Variants in GRM5 observed in about 807,000 individuals in gnomAD.
GRM5 encodes glutamate metabotropic receptor 5, also known as metabotropic glutamate receptor 5.
Under a neutral mutation model 83.1 loss-of-function variants are expected in GRM5, and 19 were observed. That is an observed-to-expected ratio of 0.23 (90% confidence interval 0.16 to 0.34). The LOEUF is 0.34. Ranked by LOEUF, GRM5 falls within the 10% of genes least tolerant of loss-of-function variation. The probability of loss-of-function intolerance (pLI) is 1.00; values close to 1 mark genes in which losing one functional copy is unlikely to be tolerated. For synonymous variants in GRM5, 675 were observed against 633.6 expected (o/e 1.07, Z -0.98); for missense variants, 1,160 against 1,588.3 (o/e 0.73, Z 4.58).
chr11:88,939,512 T>A (rs1938014159), intron 2 of GRM5, among the ~76,000 whole-genome samples: 1 of 151,724 alleles, frequency 6.6e-6, no homozygotes, highest in Admixed American at 6.6e-5. Flanking sequence ...AAGGAAGAAA[T>A]CATGATCATT....
intron 3 of GRM5, among the ~76,000 whole-genome samples, chr11:88,768,155 G>C (rs575611798): frequency 6.6e-6 from 1 of 151,972 alleles, no homozygotes. Context: ...TGTTCAAAGT[G>C]TATTATTTGC....
intron 2 of GRM5, among the ~76,000 whole-genome samples, chr11:88,939,175 C>A (rs1246626756): frequency 6.6e-6 from 1 of 151,648 alleles, no homozygotes; most frequent in Non-Finnish European, 1.5e-5. Flanking sequence ...CTTGAGATCA[C>A]CAAATATATA....
chr11:88,832,944 T>C (rs529011608), intron 3 of GRM5, among the ~76,000 whole-genome samples: 6 of 151,960 alleles, frequency 3.9e-5, no homozygotes, highest in Non-Finnish European at 8.9e-5. Flanking sequence ...CCCCTAACTC[T>C]CATGATATAT....
intron 2 of GRM5, among the ~76,000 whole-genome samples, chr11:88,904,885 G>C (rs916231350): frequency 1.3e-5 from 2 of 152,100 alleles, no homozygotes; most frequent in African/African-American, 4.8e-5. Context: ...TTGGAAAGGA[G>C]AACTATCAGG....
At chr11:88,529,749 T>C (rs544143250) in intron 8 of GRM5, among the ~76,000 whole-genome samples, 30 of 151,832 alleles carry the variant, frequency 2.0e-4, no homozygotes, top group Non-Finnish European at 3.5e-4. Flanking sequence ...ATAATACAGA[T>C]GAAAAATAGA....
rs61456975 is a variant in GRM5, at chr11:88,885,450, G to GTTT, written c.662-35298_662-35296dup. 5.6e-4 allele frequency among the ~76,000 whole-genome samples: 35 copies of GTTT among 62,666 alleles called. 5 individuals are homozygous for GTTT. The highest frequency in any genetic ancestry group is 2.0e-3 in the African/African-American group (33 of 16,894). 41.1% of individuals were successfully genotyped at this position (62,666 alleles called of 152,430 possible). On this transcript the variant is annotated intron_variant, in intron 2 of 9. Coordinates refer to ENST00000305447, the MANE Select transcript of GRM5 (RefSeq NM_001143831.3). ...TTCTGAATTCTATAGTAGGTACCAT[G>GTTT]TTTTTTTTTTTTTTTTTTTTTTTTT...
intron 2 of GRM5, among the ~76,000 whole-genome samples, chr11:88,893,142 C>CA (rs398017016): frequency 0.054 from 6,362 of 118,390 alleles, 135 homozygotes; most frequent in East Asian, 0.091. Flanking sequence ...TAATAGTCAC[C>CA]AAAAAAAAAA....
At chr11:88,538,155 TA>T (rs1202001911) in intron 8 of GRM5, among the ~76,000 whole-genome samples, 1 of 151,686 alleles carries the variant, frequency 6.6e-6, no homozygotes, top group Non-Finnish European at 1.5e-5. Context: ...AATAGTTTAA[TA>T]AATTACAGCA....
rs191966482 is a variant in GRM5 at position 88,810,885 on chromosome 11, A to G, written c.911+39021T>C. Among the ~76,000 whole-genome samples, 372 of 152,294 alleles carry G rather than the reference A, an allele frequency of 2.4e-3. 5 individuals carry two copies. Among genetic ancestry groups the G allele is most frequent in the Admixed American group, 4.8e-3 (73 of 15,282 alleles). ...TTGTGCTCAAAGAGTTCAAAAAACT[A>G]TGTCACAACTTAAGAGAAACAGAAC... On this transcript the variant is annotated intron_variant, in intron 3 of 9. Coordinates refer to ENST00000305447, the MANE Select transcript of GRM5 (RefSeq NM_001143831.3).
chr11:88,820,536 A>G (rs1449731879), intron 3 of GRM5, among the ~76,000 whole-genome samples: 2 of 152,198 alleles, frequency 1.3e-5, no homozygotes, highest in African/African-American at 2.4e-5. Flanking sequence ...TATAATTTGA[A>G]AAACTATGAT....
At chr11:88,952,979 C>G (rs1259680610) in intron 2 of GRM5, among the ~76,000 whole-genome samples, 4 of 152,156 alleles carry the variant, frequency 2.6e-5, no homozygotes, top group Non-Finnish European at 2.9e-5. Context: ...ATTTTCCCCT[C>G]TCTTTTCTAA....
intron 3 of GRM5, among the ~76,000 whole-genome samples, chr11:88,701,504 A>G (rs1301159008): frequency 2.0e-5 from 3 of 152,180 alleles, no homozygotes; most frequent in Non-Finnish European, 4.4e-5. Context: ...GGTCAGCTTC[A>G]GAGGTGGGGC....
chr11:88,570,572 T>TATATATATATATA lies in GRM5; in HGVS notation c.1691-2581_1691-2580insTATATATATATAT, dbSNP rs1491417366. Among the ~76,000 whole-genome samples the TATATATATATATA allele has an allele frequency of 4.7e-4, 20 of 42,336 alleles. 1 individual carries two copies. Among genetic ancestry groups the TATATATATATATA allele is most frequent in the African/African-American group, 1.2e-3 (6 of 5,208 alleles). 27.8% of individuals were successfully genotyped at this position (42,336 alleles called of 152,430 possible). A position where few individuals can be genotyped will look rare whatever the true frequency, so the allele number is the denominator to read the frequency against. ...AATAATATATATATATATATATATATTTTTTTTTTTTTTTTTTTTTTTTTT... is the reference window on the plus strand; with the variant it reads ...AATAATATATATATATATATATATATATATATATATATATTTTTTTTTTTTTTTTTTTTTTTTT... On this transcript the variant is annotated intron_variant, in intron 7 of 9. Coordinates refer to ENST00000305447, the MANE Select transcript of GRM5 (RefSeq NM_001143831.3).
chr11:88,932,947 C>T (rs1043203053), intron 2 of GRM5, among the ~76,000 whole-genome samples: 1 of 151,894 alleles, frequency 6.6e-6, no homozygotes, highest in African/African-American at 2.4e-5. Context: ...CTCTCCTTGA[C>T]CCACATATCT....
intron 7 of GRM5, among the ~76,000 whole-genome samples, chr11:88,585,783 G>A (rs1239247560): frequency 2.6e-5 from 4 of 152,028 alleles, no homozygotes; most frequent in Non-Finnish European, 4.4e-5. Flanking sequence ...ATCTCCATGA[G>A]GGCAGGGATC....
chr11:88,983,686 T>A (rs1939599295), intron 2 of GRM5, among the ~76,000 whole-genome samples: 1 of 152,172 alleles, frequency 6.6e-6, no homozygotes, highest in South Asian at 2.1e-4. Context: ...TTTATACTTT[T>A]TATCATTATT....
At chr11:89,031,425 C>T (rs1430226953) in intron 2 of GRM5, among the ~76,000 whole-genome samples, 1 of 151,180 alleles carries the variant, frequency 6.6e-6, no homozygotes, top group Non-Finnish European at 1.5e-5. Context: ...ATTTATGTTC[C>T]TTTATGTGCT....
chr11:88,981,743 C>G (rs1939530510), intron 2 of GRM5, among the ~76,000 whole-genome samples: 1 of 152,194 alleles, frequency 6.6e-6, no homozygotes, highest in South Asian at 2.1e-4. Context: ...AAGTTCGTAT[C>G]TCAGCTCTGC....
intron 2 of GRM5, among the ~76,000 whole-genome samples, chr11:88,857,020 T>G (rs1944489740): frequency 6.6e-6 from 1 of 152,134 alleles, no homozygotes. Flanking sequence ...GCATAGTTTT[T>G]CATGATTTTG....
Sources: allele counts gnomAD v4.1 joint callset (sites outside exome capture counted in the v4.1 genomes callset), GRCh38; gene constraint gnomAD v4.1.1; transcripts MANE v1.5; gene names NCBI Gene and HGNC (gene_info 2026-07-23, HGNC 2026-07-21).